PRP4K: variants seen among roughly 807,000 people sequenced by gnomAD.
PRP4K encodes serine/threonine-protein kinase PRP4 homolog.
the PRP4K span, among the ~76,000 whole-genome samples, chr6:4,053,733 T>C: frequency 3.9e-5 from 6 of 152,300 alleles, no homozygotes; most frequent in Middle Eastern, 3.4e-3. Context: ...GCTTATATGC[T>C]GGTAACATTC....
At chr6:4,029,997 C>T in the PRP4K span, among the ~76,000 whole-genome samples, 1 of 150,620 alleles carries the variant, frequency 6.6e-6, no homozygotes, top group Non-Finnish European at 1.5e-5. Flanking sequence ...GGCTGGAGTG[C>T]AATGGCGCAA....
At chr6:4,046,879 A>G in the PRP4K span, among the ~76,000 whole-genome samples, 1 of 152,046 alleles carries the variant, frequency 6.6e-6, no homozygotes, top group Non-Finnish European at 1.5e-5. Context: ...GCTGGTGTCA[A>G]ACTCCTGACC....
the PRP4K span, among the ~76,000 whole-genome samples, chr6:4,030,808 T>C: frequency 5.3e-5 from 8 of 152,228 alleles, no homozygotes; most frequent in African/African-American, 1.9e-4. Flanking sequence ...GGCCCTTCCA[T>C]GTGGTTCAGC....
the PRP4K span, among the ~76,000 whole-genome samples, chr6:4,035,217 A>G: frequency 1.3e-5 from 2 of 148,472 alleles, no homozygotes; most frequent in South Asian, 2.1e-4. Flanking sequence ...CCTGGGTTCA[A>G]GCAATTCTCC....
chr6:4,036,309 C>T, the PRP4K span, among the ~76,000 whole-genome samples: 2 of 152,040 alleles, frequency 1.3e-5, no homozygotes, highest in Admixed American at 6.6e-5. Context: ...GCAACCTCTG[C>T]CTCCCAGGCT....
At chr6:4,031,646 CA>C in the PRP4K span, 12 of 1,599,952 alleles carry the variant, frequency 7.5e-6, no homozygotes, top group Admixed American at 7.0e-5. Context: ...ACAGTCGTCA[CA>C]AAAAAAAGAA....
chr6:4,044,049 CT>C, the PRP4K span: 3 of 1,598,390 alleles, frequency 1.9e-6, no homozygotes, highest in Non-Finnish European at 2.6e-6. Context: ...CCTGGCGACG[CT>C]TTTCTCTGAA....
At chr6:4,050,460 C>T in the PRP4K span, 9,485 of 339,212 alleles carry the variant, frequency 0.028, 809 homozygotes, top group African/African-American at 0.18. Flanking sequence ...AAACTCCTTC[C>T]CTCTATTGTC....
the PRP4K span, among the ~76,000 whole-genome samples, chr6:4,045,146 A>G: frequency 6.6e-6 from 1 of 152,324 alleles, no homozygotes; most frequent in African/African-American, 2.4e-5. Context: ...GGCGTGAGCC[A>G]CCACGCCCAG....
chr6:4,030,478 A>C, the PRP4K span, among the ~76,000 whole-genome samples: 1 of 152,222 alleles, frequency 6.6e-6, no homozygotes, highest in Non-Finnish European at 1.5e-5. Flanking sequence ...CTGATATTCT[A>C]GGATGATGGT....
At chr6:4,031,498 T>C in the PRP4K span, 3 of 1,266,384 alleles carry the variant, frequency 2.4e-6, no homozygotes, top group South Asian at 3.3e-5. Context: ...GTTATTTTCT[T>C]ATGGCTCTTT....
the PRP4K span, chr6:4,040,937 G>T: frequency 6.3e-7 from 1 of 1,599,108 alleles, no homozygotes; most frequent in Non-Finnish European, 8.5e-7. Context: ...AGTAAGAATA[G>T]AACTTACCCA....
chr6:4,060,671 A>G, the PRP4K span: 1 of 1,453,682 alleles, frequency 6.9e-7, no homozygotes, highest in Non-Finnish European at 9.4e-7. This position sits in a 1 kb window ranked among gnomAD's most constrained non-coding sequence, Gnocchi z 4.7. Context: ...AAGAAATTTC[A>G]CAGCAGTTTA....
chr6:4,038,919 C>CTTTTTTTTTTTTTTTT, the PRP4K span, among the ~76,000 whole-genome samples: 1 of 144,274 alleles, frequency 6.9e-6, no homozygotes, highest in Admixed American at 7.0e-5. Flanking sequence ...AATTTTTGTG[C>CTTTTTTTTTTTTTTTT]TTTTTTTTTT....
chr6:4,043,734 T>C, the PRP4K span: 2 of 1,356,098 alleles, frequency 1.5e-6, no homozygotes, highest in Non-Finnish European at 2.1e-6. Flanking sequence ...AACTTTTCAC[T>C]GCAGCAACTC....
the PRP4K span, among the ~76,000 whole-genome samples, chr6:4,024,280 G>A: frequency 0.7 from 106,505 of 151,924 alleles, 37,431 homozygotes; most frequent in East Asian, 0.77. Context: ...GAGGCAGGAG[G>A]ATCATTTGAG....
chr6:4,045,086 C>T, the PRP4K span, among the ~76,000 whole-genome samples: 1 of 152,100 alleles, frequency 6.6e-6, no homozygotes, highest in East Asian at 1.9e-4. Flanking sequence ...TGGTCTCGAT[C>T]TCCTGACCTC....
At chr6:4,036,884 G>C in the PRP4K span, among the ~76,000 whole-genome samples, 2 of 151,666 alleles carry the variant, frequency 1.3e-5, no homozygotes, top group South Asian at 4.2e-4. Context: ...GCTCAGGGGG[G>C]CTGAAGTGGA....
chr6:4,056,655 C>T, the PRP4K span: 1 of 1,568,050 alleles, frequency 6.4e-7, no homozygotes, highest in African/African-American at 1.3e-5. Flanking sequence ...GTGGAAAATC[C>T]TCGACTTTAG....
Sources: gnomAD v4.1 joint callset for allele counts (sites outside exome capture counted in the v4.1 genomes callset) on GRCh38, gnomAD v4.1.1 for gene constraint, Gnocchi (gnomAD v3.1) non-coding constraint, MANE v1.5 for transcripts, NCBI Gene and HGNC (gene_info 2026-07-23, HGNC 2026-07-21) for gene names.